TMEM238: variants seen among roughly 807,000 people sequenced by gnomAD.
The protein encoded by TMEM238 is transmembrane protein 238.
For synonymous variants in TMEM238, 103 were observed against 111.5 expected (o/e 0.92, Z 0.48); for missense variants, 169 against 206.8 (o/e 0.82, Z 1.12).
In TMEM238 at chr19:55,383,215, A is replaced by G. The variant is rs370851669; in HGVS notation, c.*7+507T>C. On this transcript the variant is annotated intron_variant, in intron 1 of 1. Coordinates refer to ENST00000444469, the MANE Select transcript of TMEM238 (RefSeq NM_001190764.2). This position sits in a 1 kb window ranked among gnomAD's most constrained non-coding sequence, Gnocchi z 4.9. ...ACATGGCAAAACCCCGTCTCTACTA[A>G]ATATACAAAAATTAGCCCGGCAAGG... Among the ~76,000 whole-genome samples the G allele has an allele frequency of 6.6e-5, 10 of 152,312 alleles. No homozygotes were observed. Among genetic ancestry groups the G allele is most frequent in the African/African-American group, 2.4e-4 (10 of 41,574 alleles).
In TMEM238 at chr19:55,383,849, GGA is replaced by G; in HGVS notation, c.409_410del (p.Ser137ProfsTer?). ...CGCGGGCGGCTCGGCGCGCTCTCCGGGAGCCGGGCGCGGGGCGCTGGCCCGCG... is the reference window on the plus strand; with the variant it reads ...CGCGGGCGGCTCGGCGCGCTCTCCGGGCCGGGCGCGGGGCGCTGGCCCGCG... ...AAAGQRPAPGSRRARRAARAP... is the reference protein window; with the variant it reads ...AAAGQRPAPGXRRARRAARAP... On this transcript the variant is annotated frameshift_variant, in exon 1 of 2. Transcript: ENST00000444469. LOFTEE classifies it low-confidence loss of function (END_TRUNC). This position sits in a 1 kb window ranked among gnomAD's most constrained non-coding sequence, Gnocchi z 4.9. The G allele has an allele frequency of 1.2e-6, 1 of 842,106 alleles. No homozygotes were observed. Among genetic ancestry groups the G allele is most frequent in the Non-Finnish European group, 1.4e-6 (1 of 698,380 alleles). 52.2% of individuals were successfully genotyped at this position (842,106 alleles called of 1,614,324 possible). A position where few individuals can be genotyped will look rare whatever the true frequency, so the allele number is the denominator to read the frequency against.
intron 1 of TMEM238, among the ~76,000 whole-genome samples, chr19:55,379,681 A>T (rs1191241590): frequency 6.6e-6 from 1 of 152,140 alleles, no homozygotes; most frequent in African/African-American, 2.4e-5. Context: ...GACCTGGGAG[A>T]CAGAGACACA....
chr19:55,380,300 C>A (rs868738300), intron 1 of TMEM238, among the ~76,000 whole-genome samples: 1 of 42,868 alleles, frequency 2.3e-5, no homozygotes, highest in African/African-American at 1.0e-4. Flanking sequence ...CCCTTCCCCC[C>A]TCCCCTCCCC....
In TMEM238 at chr19:55,381,442, A is replaced by G. The variant is rs868434824; in HGVS notation, c.*8-2075T>C. ...TCAAAAAAAAAAAAAAAAAAAAAAA[A>G]AGTTAATTATTTACCTACATAGAAC... is the stretch of plus-strand genomic sequence containing the variant. On this transcript the variant is annotated intron_variant, in intron 1 of 1. Coordinates refer to ENST00000444469, the MANE Select transcript of TMEM238 (RefSeq NM_001190764.2). Among the ~76,000 whole-genome samples, 888 of 149,642 alleles carry G rather than the reference A, an allele frequency of 5.9e-3. 12 individuals are homozygous for G. The highest frequency in any genetic ancestry group is 0.021 in the African/African-American group (846 of 39,412).
chr19:55,380,329 C>T (rs1355163364), intron 1 of TMEM238, among the ~76,000 whole-genome samples: 1 of 38,942 alleles, frequency 2.6e-5, no homozygotes, highest in Non-Finnish European at 4.9e-5. Flanking sequence ...GTCCCCTCCC[C>T]CTTCCCCCTT....
chr19:55,379,850 G>A (rs1294152887), intron 1 of TMEM238, among the ~76,000 whole-genome samples: 1 of 152,082 alleles, frequency 6.6e-6, no homozygotes, highest in Non-Finnish European at 1.5e-5. Flanking sequence ...GGTAACATAG[G>A]AAGACCCCGT....
Position 55,379,752 on chromosome 19 carries a change from C to T in TMEM238, c.*8-385G>A, listed in dbSNP as rs138539517. 1.4e-3 allele frequency among the ~76,000 whole-genome samples: 210 copies of T among 152,198 alleles called. 1 individual carries two copies. Among genetic ancestry groups the T allele is most frequent in the African/African-American group, 4.9e-3 (202 of 41,522 alleles). On this transcript the variant is annotated intron_variant, in intron 1 of 1. Transcript: ENST00000444469. ...ACAGTGAAGACAGAAGGAGGCCGGG[C>T]ATCGTGGTCCTCATCTCAGACCCTC...
In TMEM238 at chr19:55,384,030, A is replaced by C; in HGVS notation, c.230T>G (p.Leu77Arg). Residue 77 changes from leucine (L) to arginine (R), a missense_variant, in exon 1 of 2, where the codon CTG becomes CGG. Leu to Arg is a moderately radical substitution (Grantham distance 102). Transcript: ENST00000444469. This position sits in a 1 kb window ranked among gnomAD's most constrained non-coding sequence, Gnocchi z 5.6. Reference protein sequence around the residue: ...FGDLLIYSGALLVFLSLLGWI... With the variant: ...FGDLLIYSGARLVFLSLLGWI... ...GCCCAGCAGGCTCAGGAACACCAGC[A>C]GCGCGCCCGAGTAGATGAGCAGGTC... is the stretch of plus-strand genomic sequence containing the variant. 1 of 1,484,478 alleles carries C rather than the reference A, an allele frequency of 6.7e-7. No individual in the cohort carries two copies. The highest frequency in any genetic ancestry group is 9.0e-7 in the Non-Finnish European group (1 of 1,115,558). 92.0% of individuals were successfully genotyped at this position (1,484,478 alleles called of 1,614,324 possible). A position where few individuals can be genotyped will look rare whatever the true frequency, so the allele number is the denominator to read the frequency against.
chr19:55,381,768 A>G (rs932734572), intron 1 of TMEM238, among the ~76,000 whole-genome samples: 2 of 152,060 alleles, frequency 1.3e-5, no homozygotes, highest in Non-Finnish European at 2.9e-5. Flanking sequence ...TGACACAGGC[A>G]CCCTCATTTC....
intron 1 of TMEM238, among the ~76,000 whole-genome samples, chr19:55,381,810 C>G (rs1173040328): frequency 1.3e-5 from 2 of 152,180 alleles, no homozygotes; most frequent in African/African-American, 4.8e-5. Context: ...GAGGCCTCCC[C>G]AGTACCATGC....
chr19:55,380,756 G>A (rs1161058162), intron 1 of TMEM238, among the ~76,000 whole-genome samples: 1 of 150,656 alleles, frequency 6.6e-6, no homozygotes, highest in East Asian at 2.0e-4. Flanking sequence ...TTCTTTTTTT[G>A]AGACGGGTTC....
At chr19:55,380,339 T>TCCCCCCC (rs2089881185) in intron 1 of TMEM238, among the ~76,000 whole-genome samples, 1 of 17,086 alleles carries the variant, frequency 5.9e-5, no homozygotes, top group Non-Finnish European at 1.0e-4. Context: ...CCTTCCCCCT[T>TCCCCCCC]CCCCCTCCCC....
chr19:55,383,641 T>C lies in TMEM238; in HGVS notation c.*7+81A>G. The C allele has an allele frequency of 1.2e-5, 2 of 171,784 alleles. No homozygotes were observed. Among genetic ancestry groups the C allele is most frequent in the Non-Finnish European group, 2.5e-5 (2 of 80,322 alleles). 10.6% of individuals were successfully genotyped at this position (171,784 alleles called of 1,614,324 possible). A position where few individuals can be genotyped will look rare whatever the true frequency, so the allele number is the denominator to read the frequency against. On this transcript the variant is annotated intron_variant, in intron 1 of 1. Coordinates refer to ENST00000444469, the MANE Select transcript of TMEM238 (RefSeq NM_001190764.2). This position sits in a 1 kb window ranked among gnomAD's most constrained non-coding sequence, Gnocchi z 4.9. ...CATGGCCGCTCTCTGTCTCCATCTGTCCATCGCTCCCCCGTCTGTCTCCAT... is the reference window on the plus strand; with the variant it reads ...CATGGCCGCTCTCTGTCTCCATCTGCCCATCGCTCCCCCGTCTGTCTCCAT...
At chr19:55,380,244 T>G (rs2089879528) in intron 1 of TMEM238, among the ~76,000 whole-genome samples, 1 of 148,130 alleles carries the variant, frequency 6.8e-6, no homozygotes, top group African/African-American at 2.5e-5. Flanking sequence ...GTTAGACGTT[T>G]AAGCTACGTA....
Position 55,383,937 on chromosome 19 carries a change from C to T in TMEM238, c.323G>A (p.Arg108Gln). ...RQELERDYGL[R>Q]PSALARLARK... ...CGCCAGGCGGGCGAGCGCCGAGGGC[C>T]GCAGGCCGTAGTCGCGCTCCAGCTC... Residue 108 changes from arginine (R) to glutamine (Q), a missense_variant, in exon 1 of 2, where the codon CGG (arginine) becomes CAG (glutamine). Coordinates refer to ENST00000444469, the MANE Select transcript of TMEM238 (RefSeq NM_001190764.2). The surrounding 1 kb of genome is among the most constrained non-coding windows in gnomAD (Gnocchi z 4.9). The T allele has an allele frequency of 1.5e-6, 2 of 1,328,176 alleles. No individual in the cohort carries two copies. Among genetic ancestry groups the T allele is most frequent in the Non-Finnish European group, 9.8e-7 (1 of 1,024,214 alleles). The allele number at this position is 1,328,176 out of a possible 1,614,324, so 82.3% of individuals were successfully genotyped here.
chr19:55,382,049 G>A (rs1420035203), intron 1 of TMEM238, among the ~76,000 whole-genome samples: 2 of 136,234 alleles, frequency 1.5e-5, no homozygotes, highest in Admixed American at 7.3e-5. Flanking sequence ...CCATTCACCC[G>A]TCCATCCACC....
At position 55,383,614 on chromosome 19, in the gene TMEM238, C is replaced by T. The variant is rs2089894441; in HGVS notation, c.*7+108G>A. On this transcript the variant is annotated intron_variant, in intron 1 of 1. Transcript: ENST00000444469. This position sits in a 1 kb window ranked among gnomAD's most constrained non-coding sequence, Gnocchi z 4.9. ...CCACCCCGCCCTGGGACTCTACCTC[C>T]CCATGGCCGCTCTCTGTCTCCATCT... 6.4e-6 allele frequency: 1 copy of T among 156,630 alleles called. No individual in the cohort carries two copies. Among genetic ancestry groups the T allele is most frequent in the Non-Finnish European group, 1.4e-5 (1 of 71,216 alleles). The allele number at this position is 156,630 out of a possible 1,614,324, so 9.7% of individuals were successfully genotyped here. A position where few individuals can be genotyped will look rare whatever the true frequency, so the allele number is the denominator to read the frequency against.
intron 1 of TMEM238, among the ~76,000 whole-genome samples, chr19:55,382,514 T>TA (rs1433198479): frequency 1.3e-5 from 2 of 152,172 alleles, no homozygotes; most frequent in African/African-American, 2.4e-5. Context: ...AGTTAAATCT[T>TA]AAACATGTGA....
Position 55,383,893 on chromosome 19 carries a change from A to T in TMEM238, c.367T>A (p.Trp123Arg). Residue 123 changes from tryptophan (W) to arginine (R), a missense_variant, in exon 1 of 2, where the codon TGG becomes AGG. Coordinates refer to ENST00000444469, the MANE Select transcript of TMEM238 (RefSeq NM_001190764.2). This position sits in a 1 kb window ranked among gnomAD's most constrained non-coding sequence, Gnocchi z 4.9. ...TGGCCCGCGGCGGCGGGCGCCGACC[A>T]GCGGCGGGAGAGCTTGCGCGCCAGG... ...ARLARKLSRR[W>R]SAPAAAGQRP... 9.1e-7 allele frequency: 1 copy of T among 1,103,480 alleles called. No individual in the cohort carries two copies. The highest frequency in any genetic ancestry group is 1.1e-6 in the Non-Finnish European group (1 of 900,882). The allele number at this position is 1,103,480 out of a possible 1,614,324, so 68.4% of individuals were successfully genotyped here.
Sources: gnomAD v4.1 joint callset for allele counts (sites outside exome capture counted in the v4.1 genomes callset) on GRCh38, gnomAD v4.1.1 for gene constraint, Gnocchi (gnomAD v3.1) non-coding constraint, MANE v1.5 for transcripts, NCBI Gene and HGNC (gene_info 2026-07-23, HGNC 2026-07-21) for gene names.